Variants in SLC5A8 observed in about 807,000 individuals in gnomAD.
SLC5A8 encodes the protein sodium-coupled monocarboxylate transporter 1.
Under a neutral mutation model 71.9 loss-of-function variants are expected in SLC5A8, and 55 were observed. That is an observed-to-expected ratio of 0.77 (90% CI 0.62 to 0.96). The LOEUF (loss-of-function observed/expected upper bound fraction) is 0.96, where lower values mean the gene tolerates loss of function less well. SLC5A8 is among the 40% of genes least tolerant of loss of function. SLC5A8 has a pLI of 0.00. For synonymous variants in SLC5A8, 307 were observed against 276.1 expected (o/e 1.11, Z -1.11); for missense variants, 701 against 745.3 (o/e 0.94, Z 0.69).
chr12:101,168,985 T>C (rs777480774), intron 10 of SLC5A8, among the ~76,000 whole-genome samples: 11 of 152,112 alleles, frequency 7.2e-5, no homozygotes, highest in African/African-American at 1.4e-4. Flanking sequence ...TTAGAGGAAA[T>C]AGTGCTTCTT....
intron 1 of SLC5A8, among the ~76,000 whole-genome samples, chr12:101,206,605 A>C (rs1162257320): frequency 6.6e-6 from 1 of 152,262 alleles, no homozygotes; most frequent in African/African-American, 2.4e-5. Context: ...CAGATGCCCA[A>C]GTCACTGTGC....
chr12:101,180,064 C>A lies in SLC5A8; in HGVS notation c.1198G>T (p.Ala400Ser). The A allele has an allele frequency of 6.2e-7, 1 of 1,614,066 alleles. No homozygotes were observed. The highest frequency in any genetic ancestry group is 8.5e-7 in the Non-Finnish European group (1 of 1,179,976). Residue 400 changes from alanine (A) to serine (S), a missense_variant, in exon 10 of 15, where the codon GCT becomes TCT. Physicochemically the swap from Ala to Ser is moderately conservative, Grantham distance 99. Transcript: ENST00000536262. ...GCTCCCATAAGTGACGCCAGCGCAG[C>A]CATTCCAATACACAGGGCTCCATAC... Reference protein sequence around the residue: ...VVYGALCIGMAALASLMGALL... With the variant: ...VVYGALCIGMSALASLMGALL...
intron 3 of SLC5A8, among the ~76,000 whole-genome samples, chr12:101,195,695 C>CTTTTTTTTTT (rs11338261): frequency 1.0e-5 from 1 of 97,452 alleles, no homozygotes; most frequent in African/African-American, 4.5e-5. Context: ...ATGGTAATTC[C>CTTTTTTTTTT]TTTTTTTTTT....
At chr12:101,180,169 C>G in intron 9 of SLC5A8, 73 bp from the exon 10 acceptor site, 1 of 1,439,556 alleles carries the variant, frequency 6.9e-7, no homozygotes, top group Non-Finnish European at 9.8e-7. Flanking sequence ...AATAATCCAC[C>G]ACACCTTTGA....
At chr12:101,186,080 A>AT (rs35334880) in intron 7 of SLC5A8, among the ~76,000 whole-genome samples, 28,191 of 134,732 alleles carry the variant, frequency 0.21, 3,290 homozygotes, top group East Asian at 0.52. Flanking sequence ...AGCCGTAGGG[A>AT]TTTTTTTTTT....
intron 11 of SLC5A8, 129 bp downstream of exon 11, chr12:101,167,967 A>G: frequency 1.1e-6 from 1 of 886,348 alleles, no homozygotes. Flanking sequence ...CAAAGTCAAC[A>G]GAAATAATTT....
intron 13 of SLC5A8, among the ~76,000 whole-genome samples, chr12:101,158,592 CTCTCTCTATATATATATATATATATA>C (rs1210935153): frequency 3.9e-5 from 1 of 25,928 alleles, no homozygotes; most frequent in East Asian, 1.1e-3. Context: ...CTCTCTCTCT[CTCTCTCTATATATATATATATATATA>C]TATATATATA....
At chr12:101,158,590 C>CTATATA (rs2051693382) in intron 13 of SLC5A8, among the ~76,000 whole-genome samples, 11 of 31,542 alleles carry the variant, frequency 3.5e-4, no homozygotes, top group Admixed American at 9.3e-4. Flanking sequence ...CTCTCTCTCT[C>CTATATA]TCTCTCTCTA....
intron 12 of SLC5A8, among the ~76,000 whole-genome samples, chr12:101,165,831 C>T (rs1015345695): frequency 2.0e-5 from 3 of 152,156 alleles, no homozygotes; most frequent in East Asian, 1.9e-4. Flanking sequence ...ATTCCTTGAA[C>T]GTATTCACAG....
intron 2 of SLC5A8, among the ~76,000 whole-genome samples, chr12:101,204,211 G>A (rs1221832000): frequency 6.6e-6 from 1 of 152,200 alleles, no homozygotes; most frequent in African/African-American, 2.4e-5. Flanking sequence ...CACCTTGGTG[G>A]AGGTGAAGGG....
intron 8 of SLC5A8, among the ~76,000 whole-genome samples, chr12:101,183,841 A>G (rs116240908): frequency 0.039 from 5,973 of 152,240 alleles, 407 homozygotes; most frequent in African/African-American, 0.14. Flanking sequence ...ATTTTTGATC[A>G]CCAGTGAAAG....
intron 13 of SLC5A8, among the ~76,000 whole-genome samples, chr12:101,159,369 CCA>C (rs2051704605): frequency 6.6e-6 from 1 of 152,122 alleles, no homozygotes; most frequent in Non-Finnish European, 1.5e-5. Context: ...ATCTCTGTGC[CCA>C]CAGTTTGTGA....
chr12:101,198,801 C>G (rs7307065), intron 3 of SLC5A8, among the ~76,000 whole-genome samples: 28,399 of 151,686 alleles, frequency 0.19, 2,779 homozygotes, highest in Admixed American at 0.22. Context: ...AAAATGTTAG[C>G]AAATCGAATT....
chr12:101,195,176 T>A lies in SLC5A8; in HGVS notation c.470-14A>T. 2 of 1,612,868 alleles carry A rather than the reference T, an allele frequency of 1.2e-6. No individual in the cohort carries two copies. Among genetic ancestry groups the A allele is most frequent in the Non-Finnish European group, 1.7e-6 (2 of 1,179,246 alleles). On this transcript the variant is annotated splice_polypyrimidine_tract_variant and intron_variant, in intron 3 of 14. Coordinates refer to ENST00000536262, the MANE Select transcript of SLC5A8 (RefSeq NM_145913.5). ...CAAATCCTGTGACTGTAGAAAAAAA[T>A]AGAATGCATATATAATTGTGAAATA...
chr12:101,157,525 A>T, intron 14 of SLC5A8, 124 bp from the exon 15 acceptor site: 1 of 1,183,700 alleles, frequency 8.4e-7, no homozygotes, highest in South Asian at 1.6e-5. Flanking sequence ...ACTGAGGGAG[A>T]GAAATATATA....
rs1869605973 is a variant in SLC5A8 at position 101,204,714 on chromosome 12, C to T, written c.352-149G>A. 8.1e-6 allele frequency: 5 copies of T among 615,946 alleles called. No homozygotes were observed. In the South Asian group the frequency reaches 8.7e-5, roughly 11 times the overall value. The allele number at this position is 615,946 out of a possible 1,614,324, so 38.2% of individuals were successfully genotyped here. A position where few individuals can be genotyped will look rare whatever the true frequency, so the allele number is the denominator to read the frequency against. On this transcript the variant is annotated intron_variant, in intron 1 of 14. Coordinates refer to ENST00000536262, the MANE Select transcript of SLC5A8 (RefSeq NM_145913.5). ...TATTTTAGTGTTATTTTTATTTATA[C>T]ACAGCAAAATTGACTCTTTTGTTTT...
In SLC5A8 at chr12:101,185,232, C is replaced by T. The variant is rs188843765; in HGVS notation, c.964-1010G>A. 5.9e-5 allele frequency among the ~76,000 whole-genome samples: 9 copies of T among 152,238 alleles called. No individual in the cohort carries two copies. In the South Asian group the frequency reaches 8.3e-4, roughly 14 times the overall value. The stretch of plus-strand genomic sequence containing the variant: ...TACTCAATCTTTATTCTCAGAAAAA[C>T]GGAATAGCATTTATCCCTATATGAG... On this transcript the variant is annotated intron_variant, in intron 7 of 14. Transcript: ENST00000536262.
chr12:101,205,340 G>A (rs1478425800), intron 1 of SLC5A8, among the ~76,000 whole-genome samples: 1 of 152,054 alleles, frequency 6.6e-6, no homozygotes, highest in Non-Finnish European at 1.5e-5. Flanking sequence ...GTCAGTTTCT[G>A]TTCAGTGCCA....
At chr12:101,161,039 A>G (rs998703939) in intron 13 of SLC5A8, among the ~76,000 whole-genome samples, 2 of 152,234 alleles carry the variant, frequency 1.3e-5, no homozygotes, top group Non-Finnish European at 2.9e-5. Context: ...GGACACACAC[A>G]AAGTGTCAGC....
Sources: gnomAD v4.1 joint callset for allele counts (sites outside exome capture counted in the v4.1 genomes callset) on GRCh38, gnomAD v4.1.1 for gene constraint, MANE v1.5 for transcripts, NCBI Gene and HGNC (gene_info 2026-07-23, HGNC 2026-07-21) for gene names.